The following CDH13 variants were observed in gnomAD, a reference collection of about 807,000 sequenced individuals.
The protein encoded by CDH13 is cadherin 13, also known as cadherin-13.
Under a neutral mutation model 63.8 loss-of-function variants are expected in CDH13, and 24 were observed. That is an observed-to-expected ratio of 0.38 (90% confidence interval 0.27 to 0.53). CDH13 has a LOEUF of 0.53. Ranked by LOEUF, CDH13 falls within the 20% of genes least tolerant of loss-of-function variation. CDH13 has a pLI of 0.85. For missense variants in CDH13, 1,049 were observed against 903.1 expected (o/e 1.16, Z -2.07); for synonymous variants, 503 against 355.3 (o/e 1.42, Z -4.67).
intron 5 of CDH13, among the ~76,000 whole-genome samples, chr16:83,316,280 A>T (rs1222523041): frequency 6.6e-6 from 1 of 152,206 alleles, no homozygotes; most frequent in Non-Finnish European, 1.5e-5. Flanking sequence ...TAGGTGTGTG[A>T]CACAGAGGCA....
intron 7 of CDH13, among the ~76,000 whole-genome samples, chr16:83,499,056 C>G (rs1002874879): frequency 2.0e-5 from 3 of 152,166 alleles, no homozygotes; most frequent in African/African-American, 7.2e-5. Context: ...TTCTTGTGAT[C>G]AAATACGTGT....
chr16:82,696,707 A>T (rs775031289), intron 1 of CDH13, among the ~76,000 whole-genome samples: 2 of 152,334 alleles, frequency 1.3e-5, no homozygotes, highest in Non-Finnish European at 2.9e-5. Context: ...GTGGGATGCT[A>T]TCTATGTATG....
chr16:83,413,683 G>T (rs530224588), intron 6 of CDH13, among the ~76,000 whole-genome samples: 2 of 152,168 alleles, frequency 1.3e-5, no homozygotes, highest in African/African-American at 4.8e-5. Flanking sequence ...TTACCTTGCC[G>T]GCCTCATCTA....
At chr16:83,071,345 G>C (rs886765059) in intron 3 of CDH13, among the ~76,000 whole-genome samples, 1 of 152,260 alleles carries the variant, frequency 6.6e-6, no homozygotes, top group Non-Finnish European at 1.5e-5. Flanking sequence ...CGGATAAGGA[G>C]ACTGGGAATC....
At chr16:83,032,963 A>G (rs1156433130) in intron 3 of CDH13, among the ~76,000 whole-genome samples, 1 of 152,204 alleles carries the variant, frequency 6.6e-6, no homozygotes, top group Non-Finnish European at 1.5e-5. Context: ...GTGTATGTGT[A>G]TGTGTACATA....
At chr16:83,486,107 C>T (rs1029703679) in intron 6 of CDH13, among the ~76,000 whole-genome samples, 1 of 151,240 alleles carries the variant, frequency 6.6e-6, no homozygotes, top group Admixed American at 6.6e-5. Flanking sequence ...CACGCCGCTG[C>T]ACTCCGGCTT....
At chr16:82,906,056 C>G (rs1441134735) in intron 2 of CDH13, among the ~76,000 whole-genome samples, 3 of 152,162 alleles carry the variant, frequency 2.0e-5, no homozygotes, top group Admixed American at 1.3e-4. Flanking sequence ...ATCTACCTGT[C>G]TAATATCTGT....
At chr16:82,761,519 A>G (rs1195439280) in intron 1 of CDH13, among the ~76,000 whole-genome samples, 2 of 152,212 alleles carry the variant, frequency 1.3e-5, no homozygotes, top group East Asian at 3.8e-4. Context: ...CTACTTCTCA[A>G]TCAATTATTT....
chr16:83,192,951 G>C (rs1216381387), intron 4 of CDH13, among the ~76,000 whole-genome samples: 1 of 151,970 alleles, frequency 6.6e-6, no homozygotes, highest in African/African-American at 2.4e-5. Flanking sequence ...CTCTTAAAGA[G>C]AAAGAGAGGA....
At chr16:82,802,383 C>A (rs2036908072) in intron 1 of CDH13, among the ~76,000 whole-genome samples, 1 of 152,170 alleles carries the variant, frequency 6.6e-6, no homozygotes, top group African/African-American at 2.4e-5. Context: ...ACAGAATGCT[C>A]TTTTCTGCTT....
intron 6 of CDH13, among the ~76,000 whole-genome samples, chr16:83,375,190 C>T (rs1025960900): frequency 2.6e-5 from 4 of 152,318 alleles, no homozygotes; most frequent in African/African-American, 7.2e-5. Context: ...CTAGGCAAAG[C>T]TGTTTAGTTA....
chr16:82,744,037 G>T (rs759863091), intron 1 of CDH13, among the ~76,000 whole-genome samples: 1 of 152,142 alleles, frequency 6.6e-6, no homozygotes, highest in Non-Finnish European at 1.5e-5. Context: ...AAAGCACAAA[G>T]TTTTCTCCAG....
chr16:82,651,497 C>G (rs1567591074), intron 1 of CDH13, among the ~76,000 whole-genome samples: 1 of 152,212 alleles, frequency 6.6e-6, no homozygotes, highest in Non-Finnish European at 1.5e-5. Context: ...CTCCATATTA[C>G]TTTGATTTTA....
rs75055805 is a variant in CDH13 at position 83,226,639 on chromosome 16, G to A, written c.636+9142G>A. ...TGCTGATTCTTCAAATTACTTGGCG[G>A]CATTTTCTTTCCCAAGGTGCGGAAG... On this transcript the variant is annotated intron_variant, in intron 5 of 13. Transcript: ENST00000567109. 3.6e-3 allele frequency among the ~76,000 whole-genome samples: 541 copies of A among 152,294 alleles called. 6 individuals carry two copies. The highest frequency in any genetic ancestry group is 0.012 in the African/African-American group (515 of 41,546).
intron 5 of CDH13, among the ~76,000 whole-genome samples, chr16:83,324,575 C>T (rs2090317506): frequency 1.3e-5 from 2 of 152,212 alleles, no homozygotes; most frequent in South Asian, 4.1e-4. Context: ...TAGTTGATGT[C>T]AGAGCTTCAT....
chr16:83,491,089 A>C (rs568575077), intron 7 of CDH13, among the ~76,000 whole-genome samples: 4 of 152,370 alleles, frequency 2.6e-5, no homozygotes, highest in Non-Finnish European at 5.9e-5. Flanking sequence ...ATATATAAAC[A>C]GAGGAAGTTA....
At chr16:82,742,840 A>G (rs182339534) in intron 1 of CDH13, among the ~76,000 whole-genome samples, 50 of 152,362 alleles carry the variant, frequency 3.3e-4, no homozygotes, top group African/African-American at 1.2e-3. Context: ...CAACCTATAC[A>G]TCTCAAAAAT....
Position 82,835,108 on chromosome 16 carries a change from C to T in CDH13, c.46-23254C>T, listed in dbSNP as rs150392450. On this transcript the variant is annotated intron_variant, in intron 1 of 13. Coordinates refer to ENST00000567109, the MANE Select transcript of CDH13 (RefSeq NM_001257.5). ...TAACCCAATATATTCAAGTAGTATC[C>T]CTGCAACGTGTAGGTAATATAGAAA... Among the ~76,000 whole-genome samples, 386 of 152,256 alleles carry T rather than the reference C, an allele frequency of 2.5e-3. 3 individuals carry two copies. Among genetic ancestry groups the T allele is most frequent in the African/African-American group, 9.0e-3 (373 of 41,544 alleles).
At chr16:82,723,371 A>T (rs1177118476) in intron 1 of CDH13, among the ~76,000 whole-genome samples, 5 of 152,104 alleles carry the variant, frequency 3.3e-5, no homozygotes, top group Middle Eastern at 3.4e-3. Context: ...CTAGTTATTC[A>T]CCAGCTCTCT....
Sources: gnomAD v4.1 joint callset for allele counts (sites outside exome capture counted in the v4.1 genomes callset) on GRCh38, gnomAD v4.1.1 for gene constraint, MANE v1.5 for transcripts, NCBI Gene and HGNC (gene_info 2026-07-23, HGNC 2026-07-21) for gene names.